Variants in PRKCA observed in about 807,000 individuals in gnomAD.
PRKCA encodes protein kinase C alpha type.
In PRKCA, 27 loss-of-function variants were observed where a neutral mutation model predicts 87.0. The observed-to-expected ratio is 0.31, with a 90% CI of 0.23 to 0.43. The LOEUF (loss-of-function observed/expected upper bound fraction) is 0.43, where lower values mean the gene tolerates loss of function less well. Among genes scored for constraint, PRKCA ranks in the 20% least tolerant of loss-of-function variants. The pLI is 1.00. For missense variants in PRKCA, 518 were observed against 852.3 expected, an observed-to-expected ratio of 0.61 and a Z score of 4.88; for synonymous variants, 329 against 311.1, an observed-to-expected ratio of 1.06 and a Z score of -0.61.
chr17:66,372,558 CTTTAT>C (rs1477879766), intron 2 of PRKCA, among the ~76,000 whole-genome samples: 2 of 152,208 alleles, frequency 1.3e-5, no homozygotes, highest in South Asian at 4.2e-4. Context: ...TATGTGTATT[CTTTAT>C]TTTGAGACAT....
At chr17:66,501,857 G>T (rs914261255) in intron 3 of PRKCA, among the ~76,000 whole-genome samples, 2 of 152,202 alleles carry the variant, frequency 1.3e-5, no homozygotes, top group African/African-American at 4.8e-5. Context: ...TAGTGAGCCT[G>T]GCTTTGCTCT....
At chr17:66,517,161 G>A (rs771955909) in intron 3 of PRKCA, among the ~76,000 whole-genome samples, 11 of 152,116 alleles carry the variant, frequency 7.2e-5, no homozygotes, top group South Asian at 2.1e-4. Context: ...GTGCGCACCT[G>A]TAGTCCCAGC....
chr17:66,442,064 C>CTT (rs137893356), intron 2 of PRKCA, among the ~76,000 whole-genome samples: 12 of 147,536 alleles, frequency 8.1e-5, no homozygotes, highest in Admixed American at 1.3e-4. Context: ...TAGTCTCTCT[C>CTT]TCTTTTTTTT....
chr17:66,750,090 G>A (rs1335028817), intron 13 of PRKCA, among the ~76,000 whole-genome samples: 6 of 151,866 alleles, frequency 4.0e-5, no homozygotes, highest in Non-Finnish European at 8.8e-5. Flanking sequence ...ACATGCAGCC[G>A]GGCAGTCAGG....
At chr17:66,736,639 G>C (rs1269705580) in intron 10 of PRKCA, among the ~76,000 whole-genome samples, 2 of 152,190 alleles carry the variant, frequency 1.3e-5, no homozygotes, top group African/African-American at 2.4e-5. Context: ...AGCATAAGGA[G>C]ACTTGATTTT....
chr17:66,463,716 T>A (rs1425890353), intron 2 of PRKCA, among the ~76,000 whole-genome samples: 3 of 152,156 alleles, frequency 2.0e-5, no homozygotes, highest in East Asian at 3.8e-4. Context: ...TTTGTTTTTT[T>A]AATTTATTTT....
At chr17:66,394,809 T>G (rs1452235763) in intron 2 of PRKCA, among the ~76,000 whole-genome samples, 1 of 152,198 alleles carries the variant, frequency 6.6e-6, no homozygotes, top group Non-Finnish European at 1.5e-5. Context: ...TCTTTCCCCC[T>G]GCTGGGCTCT....
chr17:66,757,277 G>A (rs1366294096), intron 13 of PRKCA, among the ~76,000 whole-genome samples: 2 of 150,420 alleles, frequency 1.3e-5, no homozygotes, highest in East Asian at 3.9e-4. Context: ...AGCTACAAAA[G>A]ATATATGCCC....
intron 2 of PRKCA, among the ~76,000 whole-genome samples, chr17:66,389,535 G>T (rs1293025488): frequency 6.6e-6 from 1 of 152,166 alleles, no homozygotes; most frequent in Non-Finnish European, 1.5e-5. Flanking sequence ...GTTTCTATGG[G>T]GCCCTCAGAT....
intron 3 of PRKCA, among the ~76,000 whole-genome samples, chr17:66,622,796 T>A (rs1970725455): frequency 6.6e-6 from 1 of 152,156 alleles, no homozygotes; most frequent in Non-Finnish European, 1.5e-5. Flanking sequence ...GAATCAAAAG[T>A]GGAAACCCCT....
chr17:66,710,728 G>T (rs760917823), intron 8 of PRKCA, among the ~76,000 whole-genome samples: 2 of 151,998 alleles, frequency 1.3e-5, no homozygotes, highest in Non-Finnish European at 2.9e-5. Flanking sequence ...CTTCAGATTA[G>T]GTTAGTTTAA....
rs1222200649 is a variant in PRKCA, at chr17:66,641,342, C to T, written c.289-13C>T. Reference sequence around the variant, plus strand: ...CATGACTAAAATGAGCATTGTGCTTCTTCTCCTCCCAGGACCCCAGGAGCA... The same window carrying T: ...CATGACTAAAATGAGCATTGTGCTTTTTCTCCTCCCAGGACCCCAGGAGCA... On this transcript the variant is annotated splice_polypyrimidine_tract_variant and intron_variant, in intron 3 of 16. Coordinates refer to ENST00000413366, the MANE Select transcript of PRKCA (RefSeq NM_002737.3). The T allele has an allele frequency of 1.3e-6, 2 of 1,597,616 alleles. No homozygotes were observed. Among genetic ancestry groups the T allele is most frequent in the African/African-American group, 1.3e-5 (1 of 74,476 alleles).
chr17:66,546,535 G>T (rs1968149967), intron 3 of PRKCA, among the ~76,000 whole-genome samples: 1 of 152,168 alleles, frequency 6.6e-6, no homozygotes, highest in Non-Finnish European at 1.5e-5. Context: ...GCTTGTGGCT[G>T]CATCTCTCCA....
chr17:66,348,022 A>G (rs1907510044), intron 2 of PRKCA, among the ~76,000 whole-genome samples: 1 of 130,736 alleles, frequency 7.6e-6, no homozygotes, highest in South Asian at 2.5e-4. Context: ...GCTCACTGCA[A>G]CCTCCACCTC....
At chr17:66,637,890 G>A (rs867841942) in intron 3 of PRKCA, among the ~76,000 whole-genome samples, 3 of 152,072 alleles carry the variant, frequency 2.0e-5, no homozygotes, top group Non-Finnish European at 2.9e-5. Flanking sequence ...GATGCTGTGC[G>A]GGAACCATGC....
At chr17:66,368,462 C>T (rs1296933303) in intron 2 of PRKCA, among the ~76,000 whole-genome samples, 1 of 134,502 alleles carries the variant, frequency 7.4e-6, no homozygotes, top group East Asian at 2.4e-4. Context: ...GCGATCTCGA[C>T]TCAAGGCAAC....
chr17:66,660,226 C>G (rs1017987392), intron 5 of PRKCA, among the ~76,000 whole-genome samples: 1 of 152,168 alleles, frequency 6.6e-6, no homozygotes, highest in Admixed American at 6.5e-5. Flanking sequence ...TTCTGCTCCC[C>G]CCATCCAAGG....
At chr17:66,560,648 A>G (rs543335053) in intron 3 of PRKCA, among the ~76,000 whole-genome samples, 16 of 152,260 alleles carry the variant, frequency 1.1e-4, no homozygotes, top group East Asian at 1.9e-4. Context: ...GAGATAATGT[A>G]CCAAACACTT....
At chr17:66,764,819 C>T (rs957517478) in intron 13 of PRKCA, among the ~76,000 whole-genome samples, 2 of 152,208 alleles carry the variant, frequency 1.3e-5, no homozygotes, top group Non-Finnish European at 2.9e-5. Context: ...CAGCCCTGGG[C>T]TTGGCTGTAA....
Sources: gnomAD v4.1 joint callset for allele counts (sites outside exome capture counted in the v4.1 genomes callset) on GRCh38, gnomAD v4.1.1 for gene constraint, MANE v1.5 for transcripts, NCBI Gene and HGNC (gene_info 2026-07-23, HGNC 2026-07-21) for gene names.